ILRUN: variants seen among roughly 807,000 people sequenced by gnomAD.
ILRUN encodes the protein inflammation and lipid regulator with UBA-like and NBR1-like domains.
In ILRUN, 3 loss-of-function variants were observed where a neutral mutation model predicts 33.8. That is an observed-to-expected ratio of 0.09 (90% CI 0.04 to 0.23). ILRUN has a LOEUF of 0.23. ILRUN is among the 10% of genes least tolerant of loss of function. ILRUN has a pLI of 1.00. For missense variants in ILRUN, 210 were observed against 375.1 expected, an observed-to-expected ratio of 0.56 and a Z score of 3.64; for synonymous variants, 124 against 138.9, an observed-to-expected ratio of 0.89 and a Z score of 0.75.
chr6:34,608,617 A>G (rs990148056), intron 3 of ILRUN, among the ~76,000 whole-genome samples: 2 of 152,188 alleles, frequency 1.3e-5, no homozygotes, highest in Non-Finnish European at 2.9e-5. Context: ...CTACAATGTT[A>G]TGGAAGCTAC....
intron 1 of ILRUN, among the ~76,000 whole-genome samples, chr6:34,655,930 C>T (rs1296547378): frequency 6.6e-6 from 1 of 151,902 alleles, no homozygotes; most frequent in African/African-American, 2.4e-5. Flanking sequence ...TATCTTTTTA[C>T]AGGTTTAAGA....
chr6:34,637,840 T>C lies in ILRUN; in HGVS notation c.511+8761A>G, dbSNP rs935369816. On this transcript the variant is annotated intron_variant, in intron 3 of 4. Transcript: ENST00000374023. ...GTACAGTCATTTCACATTGCTGTTG[T>C]TGTTGCTGCTGCTGCTGCTGCTGCT... 2.0e-3 allele frequency among the ~76,000 whole-genome samples: 241 copies of C among 120,946 alleles called. 1 individual carries two copies. Among genetic ancestry groups the C allele is most frequent in the African/African-American group, 8.9e-3 (226 of 25,330 alleles). The allele number at this position is 120,946 out of a possible 152,430, so 79.3% of individuals were successfully genotyped here. A position where few individuals can be genotyped will look rare whatever the true frequency, so the allele number is the denominator to read the frequency against.
chr6:34,683,485 TACATATATATATAC>T lies in ILRUN; in HGVS notation c.158+12947_158+12960del, dbSNP rs1562033145. ...ATACATATATATACACATATATATA[TACATATATATATAC>T]ATATATATATATATACATATATATA... On this transcript the variant is annotated intron_variant, in intron 1 of 4. Coordinates refer to ENST00000374023, the MANE Select transcript of ILRUN (RefSeq NM_024294.4). Among the ~76,000 whole-genome samples the T allele has an allele frequency of 3.5e-3, 381 of 110,092 alleles. 12 individuals are homozygous for T. Among genetic ancestry groups the T allele is most frequent in the African/African-American group, 0.014 (321 of 22,952 alleles). The allele number at this position is 110,092 out of a possible 152,430, so 72.2% of individuals were successfully genotyped here.
At position 34,592,009 on chromosome 6, in the gene ILRUN, T is replaced by C. The variant is rs1761304193; in HGVS notation, c.862-1409A>G. Among the ~76,000 whole-genome samples the C allele has an allele frequency of 6.6e-6, 1 of 152,142 alleles. No individual in the cohort carries two copies. Among genetic ancestry groups the C allele is most frequent in the African/African-American group, 2.4e-5 (1 of 41,434 alleles). On this transcript the variant is annotated intron_variant, in intron 4 of 4. Coordinates refer to ENST00000374023, the MANE Select transcript of ILRUN (RefSeq NM_024294.4). The surrounding 1 kb of genome is among the most constrained non-coding windows in gnomAD (Gnocchi z 4.0). ...CCCTTATAAGAAAGACACACCAAGATGTGCCAACATCAAAAGCAGCTACAC... is the reference window on the plus strand; with the variant it reads ...CCCTTATAAGAAAGACACACCAAGACGTGCCAACATCAAAAGCAGCTACAC...
chr6:34,693,794 A>C (rs1483445239), intron 1 of ILRUN, among the ~76,000 whole-genome samples: 4 of 150,930 alleles, frequency 2.7e-5, no homozygotes, highest in African/African-American at 9.7e-5. Context: ...AGCCTCCCTC[A>C]AATACAAGTT....
intron 1 of ILRUN, among the ~76,000 whole-genome samples, chr6:34,691,329 A>G (rs1320395162): frequency 6.6e-6 from 1 of 152,204 alleles, no homozygotes; most frequent in African/African-American, 2.4e-5. Context: ...TTGGTTTTAG[A>G]TATTGGGTTT....
At chr6:34,669,692 CAG>C (rs1763076780) in intron 1 of ILRUN, among the ~76,000 whole-genome samples, 1 of 152,132 alleles carries the variant, frequency 6.6e-6, no homozygotes, top group Admixed American at 6.5e-5. Context: ...CATCTGACTT[CAG>C]AGTTAACACA....
intron 3 of ILRUN, among the ~76,000 whole-genome samples, chr6:34,610,215 T>C (rs961571321): frequency 2.0e-5 from 3 of 151,670 alleles, no homozygotes; most frequent in Non-Finnish European, 4.4e-5. Context: ...TAAATCCCCA[T>C]GTAAACTAGC....
At chr6:34,603,701 C>A (rs1223810755) in intron 4 of ILRUN, among the ~76,000 whole-genome samples, 1 of 152,206 alleles carries the variant, frequency 6.6e-6, no homozygotes, top group Non-Finnish European at 1.5e-5. Flanking sequence ...CTGTATTGCT[C>A]TCTATTGAGC....
At chr6:34,626,729 G>A (rs1244695831) in intron 3 of ILRUN, among the ~76,000 whole-genome samples, 2 of 151,922 alleles carry the variant, frequency 1.3e-5, no homozygotes, top group East Asian at 1.9e-4. Context: ...TATATCAGGC[G>A]GGGTGTGATG....
chr6:34,688,469 G>A (rs1358766742), intron 1 of ILRUN, among the ~76,000 whole-genome samples: 1 of 149,894 alleles, frequency 6.7e-6, no homozygotes, highest in African/African-American at 2.5e-5. Context: ...AAAACATAAT[G>A]CTAAATGAAA....
At chr6:34,674,319 G>A (rs935941362) in intron 1 of ILRUN, among the ~76,000 whole-genome samples, 1 of 152,156 alleles carries the variant, frequency 6.6e-6, no homozygotes, top group African/African-American at 2.4e-5. Context: ...GAGCCACCGC[G>A]CCCGGCCCCC....
chr6:34,600,185 T>C (rs981067059), intron 4 of ILRUN, among the ~76,000 whole-genome samples: 1 of 152,220 alleles, frequency 6.6e-6, no homozygotes, highest in African/African-American at 2.4e-5. Flanking sequence ...GGCTCCCCTT[T>C]TTCCTCAGAG....
rs138390671 is a variant in ILRUN, at chr6:34,637,813, C to G, written c.511+8788G>C. On this transcript the variant is annotated intron_variant, in intron 3 of 4. Transcript: ENST00000374023. ...TATGCATTTTAGAGGTTAATCTGAA[C>G]AGTACAGTCATTTCACATTGCTGTT... Among the ~76,000 whole-genome samples the G allele has an allele frequency of 3.1e-3, 478 of 152,172 alleles. 7 individuals carry two copies. Among genetic ancestry groups the G allele is most frequent in the East Asian group, 0.022 (113 of 5,186 alleles).
chr6:34,692,358 T>C (rs1763665844), intron 1 of ILRUN, among the ~76,000 whole-genome samples: 2 of 152,334 alleles, frequency 1.3e-5, no homozygotes, highest in Admixed American at 1.3e-4. Context: ...TGGTATTTAT[T>C]ACAACCCGAA....
At chr6:34,678,637 GGAGATA>G (rs1763289334) in intron 1 of ILRUN, among the ~76,000 whole-genome samples, 1 of 151,704 alleles carries the variant, frequency 6.6e-6, no homozygotes, top group African/African-American at 2.4e-5. Context: ...CACGAGGTCA[GGAGATA>G]GAGACCATCC....
chr6:34,669,768 C>G (rs1763078372), intron 1 of ILRUN, among the ~76,000 whole-genome samples: 1 of 152,002 alleles, frequency 6.6e-6, no homozygotes, highest in Non-Finnish European at 1.5e-5. Flanking sequence ...TATATCCATA[C>G]CACAACTCAG....
chr6:34,638,603 G>A (rs60699517), intron 3 of ILRUN, among the ~76,000 whole-genome samples: 4,212 of 152,150 alleles, frequency 0.028, 173 homozygotes, highest in African/African-American at 0.093. Context: ...TACTTGGGAG[G>A]CTGAGTTGGG....
At chr6:34,670,332 A>C (rs1465794600) in intron 1 of ILRUN, among the ~76,000 whole-genome samples, 1 of 152,174 alleles carries the variant, frequency 6.6e-6, no homozygotes, top group Non-Finnish European at 1.5e-5. Flanking sequence ...GTGTTCTAAA[A>C]CTGGATTGGG....
Sources: gnomAD v4.1 joint callset for allele counts (sites outside exome capture counted in the v4.1 genomes callset) on GRCh38, gnomAD v4.1.1 for gene constraint, Gnocchi (gnomAD v3.1) non-coding constraint, MANE v1.5 for transcripts, NCBI Gene and HGNC (gene_info 2026-07-23, HGNC 2026-07-21) for gene names.